SHTN1: variants seen among roughly 807,000 people sequenced by gnomAD.
SHTN1 encodes the protein shootin 1, also known as shootin-1.
A neutral mutation model predicts 83.1 loss-of-function variants in SHTN1; 42 were observed. The observed-to-expected ratio is 0.51, with a 90% CI of 0.39 to 0.65. SHTN1 has a LOEUF of 0.65. Ranked by LOEUF, SHTN1 falls within the 30% of genes least tolerant of loss-of-function variation. SHTN1 has a pLI of 0.00. For synonymous variants in SHTN1, 224 were observed against 247.7 expected (o/e 0.90, Z 0.90); for missense variants, 622 against 737.8 (o/e 0.84, Z 1.82).
intron 2 of SHTN1, 149 bp from the exon 3 acceptor site, chr10:116,968,861 A>T (rs1258918038): frequency 3.3e-6 from 2 of 597,628 alleles, no homozygotes; most frequent in Non-Finnish European, 5.8e-6. Flanking sequence ...GTCATATATG[A>T]ACTTGCACTG....
chr10:117,061,151 C>CTT (rs1261265582), intron 1 of SHTN1, among the ~76,000 whole-genome samples: 1 of 101,074 alleles, frequency 9.9e-6, no homozygotes. Context: ...TTTTTTTTTT[C>CTT]TTTTTTTTTT....
chr10:117,009,925 A>AG, upstream of SHTN1, among the ~76,000 whole-genome samples: 1 of 151,932 alleles, frequency 6.6e-6, no homozygotes, highest in Non-Finnish European at 1.5e-5. Context: ...GAAAAAAAAA[A>AG]CTTATGGAAT....
chr10:116,913,260 G>A (rs938793684), intron 13 of SHTN1, among the ~76,000 whole-genome samples: 4 of 152,230 alleles, frequency 2.6e-5, no homozygotes, highest in Non-Finnish European at 4.4e-5. Flanking sequence ...TTTGAACCCT[G>A]GACCACAAAA....
intron 5 of SHTN1, 115 bp from the exon 6 acceptor site, chr10:116,952,121 T>C (rs190421006): frequency 3.2e-4 from 148 of 461,284 alleles, no homozygotes; most frequent in Middle Eastern, 1.8e-3. Context: ...CAAGATTATT[T>C]AACAATTAAA....
intron 2 of SHTN1, among the ~76,000 whole-genome samples, chr10:116,971,276 C>T (rs1850608770): frequency 6.6e-6 from 1 of 152,112 alleles, no homozygotes; most frequent in Non-Finnish European, 1.5e-5. Flanking sequence ...AAGGAGAAGG[C>T]ATTTCTTTGA....
intron 2 of SHTN1, among the ~76,000 whole-genome samples, chr10:117,011,902 A>G (rs539366313): frequency 1.6e-4 from 25 of 152,238 alleles, no homozygotes; most frequent in African/African-American, 5.8e-4. Context: ...GCACTTTGGG[A>G]GGCCGAGGAG....
chr10:117,098,380 G>A (rs1010423698), intron 1 of SHTN1, among the ~76,000 whole-genome samples: 15 of 136,210 alleles, frequency 1.1e-4, no homozygotes, highest in African/African-American at 3.9e-4. Flanking sequence ...CTGGGCGACC[G>A]AGGGACACTC....
intron 1 of SHTN1, among the ~76,000 whole-genome samples, chr10:116,997,634 A>C (rs1172798731): frequency 1.3e-5 from 2 of 152,184 alleles, no homozygotes; most frequent in Non-Finnish European, 2.9e-5. Context: ...TAAAACGCCA[A>C]TTCATCACAT....
At chr10:117,061,138 TTTTTTTTTTTTTC>T (rs897409158) in intron 1 of SHTN1, among the ~76,000 whole-genome samples, 10 of 149,620 alleles carry the variant, frequency 6.7e-5, no homozygotes, top group Non-Finnish European at 8.9e-5. Flanking sequence ...CTTTAGTCTT[TTTTTTTTTTTTTC>T]TTTTTTTTTT....
chr10:117,084,769 G>A (rs189850783), intron 1 of SHTN1, among the ~76,000 whole-genome samples: 18 of 152,306 alleles, frequency 1.2e-4, no homozygotes, highest in African/African-American at 4.1e-4. Context: ...TCGGAAAAGC[G>A]CAGTATTTGG....
At chr10:116,998,082 ACT>A (rs1421404932) in intron 1 of SHTN1, among the ~76,000 whole-genome samples, 1 of 151,900 alleles carries the variant, frequency 6.6e-6, no homozygotes, top group Non-Finnish European at 1.5e-5. Context: ...ACAGAGCGAG[ACT>A]CTGTCTCAAA....
At chr10:117,114,788 C>T (rs1226235206) in intron 1 of SHTN1, among the ~76,000 whole-genome samples, 5 of 152,172 alleles carry the variant, frequency 3.3e-5, no homozygotes, top group African/African-American at 7.2e-5. Context: ...TCTCCAGAGG[C>T]GCCTAACTGA....
At chr10:117,088,464 G>A (rs147621797) in intron 1 of SHTN1, among the ~76,000 whole-genome samples, 7 of 152,238 alleles carry the variant, frequency 4.6e-5, no homozygotes, top group Middle Eastern at 3.4e-3. Context: ...CAGTAGGCCC[G>A]AAAAGGTTAG....
At chr10:117,090,841 A>C (rs2133620157) in intron 1 of SHTN1, among the ~76,000 whole-genome samples, 1 of 151,978 alleles carries the variant, frequency 6.6e-6, no homozygotes, top group East Asian at 1.9e-4. Context: ...GAGGGAGGGA[A>C]AGGTGAGCCA....
At chr10:117,043,860 C>T (rs1463865230) in intron 2 of SHTN1, among the ~76,000 whole-genome samples, 3 of 151,722 alleles carry the variant, frequency 2.0e-5, no homozygotes, top group Admixed American at 6.6e-5. Context: ...AATAAATAAA[C>T]AAACAAACAA....
chr10:116,956,770 A>G (rs1849992796), intron 4 of SHTN1, among the ~76,000 whole-genome samples: 1 of 152,138 alleles, frequency 6.6e-6, no homozygotes, highest in Admixed American at 6.5e-5. Context: ...AAAATCCACC[A>G]GTTTGTCTGC....
intron 1 of SHTN1, among the ~76,000 whole-genome samples, chr10:117,102,468 G>A (rs905097770): frequency 6.1e-4 from 93 of 152,204 alleles, no homozygotes; most frequent in African/African-American, 2.2e-3. Flanking sequence ...GGCTGCCAGT[G>A]AAAAGCCCTG....
Position 116,965,512 on chromosome 10 carries a change from G to A in SHTN1, c.172+3140C>T, listed in dbSNP as rs554894924. ...AGTCTGGGCAACAGAATGAGACTCC[G>A]TCTCAAAAAAAGATGTAGGCCTAGT... is the stretch of plus-strand genomic sequence containing the variant. On this transcript the variant is annotated intron_variant, in intron 3 of 16. Coordinates refer to ENST00000355371, the MANE Select transcript of SHTN1 (RefSeq NM_001127211.3). Among the ~76,000 whole-genome samples the A allele has an allele frequency of 1.2e-4, 18 of 152,276 alleles. No homozygotes were observed. In the East Asian group the frequency reaches 3.5e-3, roughly 29 times the overall value.
At chr10:116,998,600 G>A (rs80034102) in intron 1 of SHTN1, among the ~76,000 whole-genome samples, 1,895 of 152,252 alleles carry the variant, frequency 0.012, 33 homozygotes, top group African/African-American at 0.044. Context: ...TATTATCCAT[G>A]ATTTCAGGCA....
Sources: gnomAD v4.1 joint callset for allele counts (sites outside exome capture counted in the v4.1 genomes callset) on GRCh38, gnomAD v4.1.1 for gene constraint, MANE v1.5 for transcripts, NCBI Gene and HGNC (gene_info 2026-07-23, HGNC 2026-07-21) for gene names.